CPNE4: variants seen among roughly 807,000 people sequenced by gnomAD.
CPNE4 encodes the protein copine 4.
Under a neutral mutation model 67.9 loss-of-function variants are expected in CPNE4, and 25 were observed. The observed-to-expected ratio is 0.37, with a 90% CI of 0.27 to 0.51. The LOEUF (loss-of-function observed/expected upper bound fraction) is 0.51, where lower values mean the gene tolerates loss of function less well. Ranked by LOEUF, CPNE4 falls within the 20% of genes least tolerant of loss-of-function variation. The pLI, the probability that CPNE4 is intolerant of heterozygous loss-of-function variation, is 0.93. For synonymous variants in CPNE4, 242 were observed against 244.9 expected (o/e 0.99, Z 0.11); for missense variants, 464 against 690.8 (o/e 0.67, Z 3.68).
At chr3:131,869,379 T>G (rs1474986090) in intron 2 of CPNE4, among the ~76,000 whole-genome samples, 1 of 152,164 alleles carries the variant, frequency 6.6e-6, no homozygotes, top group Non-Finnish European at 1.5e-5. Flanking sequence ...ACTATTAATT[T>G]TTTTCTCTTG....
chr3:131,802,077 G>C (rs1211186811), intron 2 of CPNE4, among the ~76,000 whole-genome samples: 1 of 152,076 alleles, frequency 6.6e-6, no homozygotes, highest in Non-Finnish European at 1.5e-5. Context: ...GGTTAATGCA[G>C]AACATGACCA....
intron 1 of CPNE4, among the ~76,000 whole-genome samples, chr3:132,007,355 C>T (rs2073637120): frequency 6.6e-6 from 1 of 152,152 alleles, no homozygotes; most frequent in Non-Finnish European, 1.5e-5. Flanking sequence ...CTCCAAGCAG[C>T]AACTCTGGAG....
intron 2 of CPNE4, among the ~76,000 whole-genome samples, chr3:131,843,859 T>C (rs1369251362): frequency 6.6e-6 from 1 of 152,142 alleles, no homozygotes; most frequent in East Asian, 1.9e-4. Flanking sequence ...TAGCCTTATA[T>C]TGAGGGAGGA....
intron 2 of CPNE4, among the ~76,000 whole-genome samples, chr3:131,726,726 C>T (rs923178808): frequency 0.012 from 363 of 31,092 alleles, 2 homozygotes; most frequent in Non-Finnish European, 0.02. Flanking sequence ...CTGGGGGGGG[C>T]GGGGGGGCTT....
At chr3:131,951,687 C>T (rs566626146) in intron 1 of CPNE4, among the ~76,000 whole-genome samples, 2 of 152,162 alleles carry the variant, frequency 1.3e-5, no homozygotes, top group African/African-American at 2.4e-5. Flanking sequence ...CTCAGCCTGC[C>T]GAGTGCCTGC....
intron 2 of CPNE4, among the ~76,000 whole-genome samples, chr3:131,811,174 G>T (rs903874191): frequency 6.6e-6 from 1 of 151,526 alleles, no homozygotes; most frequent in Admixed American, 6.6e-5. Context: ...TAGATCTTAT[G>T]TTGAGTGTTC....
intron 1 of CPNE4, among the ~76,000 whole-genome samples, chr3:132,022,133 G>A (rs1170027034): frequency 1.3e-5 from 2 of 152,216 alleles, no homozygotes; most frequent in African/African-American, 4.8e-5. Flanking sequence ...GGGCAGACAT[G>A]GACATGTAGG....
At chr3:131,659,946 AG>A (rs144401989) in intron 7 of CPNE4, among the ~76,000 whole-genome samples, 2,964 of 152,322 alleles carry the variant, frequency 0.019, 96 homozygotes, top group African/African-American at 0.067. Flanking sequence ...AACAGGAAGA[AG>A]GCTTTTTCTA....
At chr3:131,568,272 G>A (rs1937161550) in intron 10 of CPNE4, among the ~76,000 whole-genome samples, 1 of 151,982 alleles carries the variant, frequency 6.6e-6, no homozygotes, top group East Asian at 1.9e-4. Context: ...TATCTTCAGG[G>A]GGTGGTCTTC....
chr3:131,565,738 A>G (rs934210225), intron 10 of CPNE4, among the ~76,000 whole-genome samples: 5 of 151,434 alleles, frequency 3.3e-5, no homozygotes, highest in African/African-American at 1.2e-4. Context: ...TAAACTTAGG[A>G]TTCAAACTCT....
intron 7 of CPNE4, among the ~76,000 whole-genome samples, chr3:131,633,612 T>C (rs187378269): frequency 9.2e-5 from 14 of 152,316 alleles, no homozygotes; most frequent in Non-Finnish European, 1.5e-4. Context: ...AAACAAAAAT[T>C]ACTTGGAACT....
chr3:131,978,078 A>AAT (rs1433102286), intron 1 of CPNE4, among the ~76,000 whole-genome samples: 29 of 35,504 alleles, frequency 8.2e-4, no homozygotes, highest in African/African-American at 3.4e-3. Context: ...AATATATATA[A>AAT]ATATATATAA....
Position 131,566,352 on chromosome 3 carries a change from G to A in CPNE4, c.928-2003C>T, listed in dbSNP as rs576782694. On this transcript the variant is annotated intron_variant, in intron 10 of 15. Coordinates refer to ENST00000429747, the MANE Select transcript of CPNE4 (RefSeq NM_130808.3). The stretch of plus-strand genomic sequence containing the variant: ...GAGATGATTGTTACTGAGGATGAGT[G>A]GAGGTAACCTAGGGAGACCAATAAA... Among the ~76,000 whole-genome samples the A allele has an allele frequency of 1.6e-4, 24 of 151,806 alleles. No individual in the cohort carries two copies. In the South Asian group the frequency reaches 5.0e-3, roughly 32 times the overall value.
intron 2 of CPNE4, among the ~76,000 whole-genome samples, chr3:131,794,626 C>T (rs2083870008): frequency 6.6e-6 from 1 of 152,224 alleles, no homozygotes; most frequent in African/African-American, 2.4e-5. Context: ...TATCCAAGCC[C>T]AATTTTGCTA....
intron 7 of CPNE4, among the ~76,000 whole-genome samples, chr3:131,635,641 G>A (rs895936117): frequency 2.0e-5 from 3 of 152,168 alleles, no homozygotes; most frequent in Non-Finnish European, 4.4e-5. Flanking sequence ...ATGCAGAATA[G>A]GACATCACGA....
chr3:131,970,230 T>C (rs1411624308), intron 1 of CPNE4, among the ~76,000 whole-genome samples: 2 of 152,216 alleles, frequency 1.3e-5, no homozygotes, highest in Non-Finnish European at 2.9e-5. Flanking sequence ...TCTGTGTCTC[T>C]GCATAACTTC....
chr3:132,019,694 A>T (rs2073952784), intron 1 of CPNE4, among the ~76,000 whole-genome samples: 1 of 152,220 alleles, frequency 6.6e-6, no homozygotes, highest in South Asian at 2.1e-4. Flanking sequence ...ATGCAATATT[A>T]GCCAAATTCA....
chr3:131,747,187 T>C (rs60081434), intron 2 of CPNE4, among the ~76,000 whole-genome samples: 5,264 of 151,834 alleles, frequency 0.035, 309 homozygotes, highest in African/African-American at 0.12. Flanking sequence ...AAACCCCTTA[T>C]CAGATGTATA....
chr3:131,811,836 C>A (rs1203957577), intron 2 of CPNE4, among the ~76,000 whole-genome samples: 1 of 152,128 alleles, frequency 6.6e-6, no homozygotes, highest in Non-Finnish European at 1.5e-5. Flanking sequence ...TCTCACTTAA[C>A]CTCTTCATCT....
Sources: gnomAD v4.1 joint callset for allele counts (sites outside exome capture counted in the v4.1 genomes callset) on GRCh38, gnomAD v4.1.1 for gene constraint, MANE v1.5 for transcripts, NCBI Gene and HGNC (gene_info 2026-07-23, HGNC 2026-07-21) for gene names.